Variants in SLC25A48 observed in about 807,000 individuals in gnomAD.
SLC25A48 encodes CTC-321K16.1.
In SLC25A48, 29 loss-of-function variants were observed where a neutral mutation model predicts 32.2. That is an observed-to-expected ratio of 0.90 (90% CI 0.67 to 1.23). The LOEUF (loss-of-function observed/expected upper bound fraction) is 1.23, where lower values mean the gene tolerates loss of function less well. Among genes scored for constraint, SLC25A48 ranks in the 50% most tolerant of loss-of-function variants. The pLI, the probability that SLC25A48 is intolerant of heterozygous loss-of-function variation, is 0.00. For missense variants in SLC25A48, 399 were observed against 422.7 expected, an observed-to-expected ratio of 0.94 and a Z score of 0.49; for synonymous variants, 164 against 172.3, an observed-to-expected ratio of 0.95 and a Z score of 0.38.
chr5:135,650,559 T>C (rs1753085623), intron 3 of SLC25A48: 2 of 240,618 alleles, frequency 8.3e-6, no homozygotes, highest in African/African-American at 8.0e-5. Flanking sequence ...GGAGTGGAAC[T>C]AAAAAAAAAA....
chr5:135,717,832 T>C (rs1754843322), intron 3 of SLC25A48, among the ~76,000 whole-genome samples: 1 of 152,190 alleles, frequency 6.6e-6, no homozygotes, highest in Admixed American at 6.5e-5. Flanking sequence ...TTCTGTTCTT[T>C]GAATATTGTC....
intron 3 of SLC25A48, among the ~76,000 whole-genome samples, chr5:135,778,944 A>G (rs7735713): frequency 0.043 from 6,376 of 148,824 alleles, 275 homozygotes; most frequent in African/African-American, 0.11. Context: ...TATATGTTTT[A>G]GTTCTCAAGG....
intron 3 of SLC25A48, among the ~76,000 whole-genome samples, chr5:135,804,538 T>C (rs1323355992): frequency 6.6e-6 from 1 of 151,586 alleles, no homozygotes; most frequent in Non-Finnish European, 1.5e-5. Context: ...GTGATATTAT[T>C]TGTTATATCC....
chr5:135,587,545 T>C (rs914450910), intron 1 of SLC25A48, among the ~76,000 whole-genome samples: 1 of 152,196 alleles, frequency 6.6e-6, no homozygotes, highest in African/African-American at 2.4e-5. Context: ...GAGAAGATTG[T>C]GACTAATTTG....
intron 7 of SLC25A48, among the ~76,000 whole-genome samples, chr5:135,886,773 C>T (rs1414159484): frequency 6.7e-6 from 1 of 149,670 alleles, no homozygotes; most frequent in African/African-American, 2.5e-5. Context: ...GGCAGGGACC[C>T]TGCCCTCAGG....
At chr5:135,620,103 C>T (rs1394994907) in intron 1 of SLC25A48, among the ~76,000 whole-genome samples, 1 of 152,136 alleles carries the variant, frequency 6.6e-6, no homozygotes, top group African/African-American at 2.4e-5. Context: ...CCTTCTGGGA[C>T]CCCAGCAGTC....
intron 2 of SLC25A48, among the ~76,000 whole-genome samples, chr5:135,846,467 G>A (rs1759428664): frequency 1.3e-5 from 2 of 152,188 alleles, no homozygotes; most frequent in Non-Finnish European, 1.5e-5. Flanking sequence ...AGGACAGCCA[G>A]GGCATGGCTT....
At chr5:135,766,008 ATAT>A (rs113957979) in intron 3 of SLC25A48, among the ~76,000 whole-genome samples, 61,080 of 151,192 alleles carry the variant, frequency 0.4, 14,175 homozygotes, top group Non-Finnish European at 0.52. Context: ...GGAGAGGGTG[ATAT>A]TACTCTCCAT....
intron 3 of SLC25A48, among the ~76,000 whole-genome samples, chr5:135,731,870 A>G (rs949175931): frequency 1.3e-5 from 2 of 152,234 alleles, no homozygotes; most frequent in African/African-American, 4.8e-5. Flanking sequence ...GATGGCCTGG[A>G]GAAACAGTGT....
chr5:135,862,737 G>A (rs1292354063), intron 4 of SLC25A48, among the ~76,000 whole-genome samples: 3 of 152,144 alleles, frequency 2.0e-5, no homozygotes, highest in Non-Finnish European at 4.4e-5. Flanking sequence ...TAATACTGTG[G>A]GAACAACATA....
At chr5:135,702,823 G>A (rs1754423230) in intron 3 of SLC25A48, among the ~76,000 whole-genome samples, 2 of 152,234 alleles carry the variant, frequency 1.3e-5, no homozygotes, top group Admixed American at 1.3e-4. Flanking sequence ...GTGTTAGCGT[G>A]GCGTGGAGCT....
At chr5:135,846,777 T>C (rs1261573661) in intron 2 of SLC25A48, among the ~76,000 whole-genome samples, 2 of 152,026 alleles carry the variant, frequency 1.3e-5, no homozygotes, top group Non-Finnish European at 2.9e-5. Context: ...AAAGAAAGTG[T>C]CAGAGACCTG....
At chr5:135,868,216 A>G (rs1165845250) in intron 4 of SLC25A48, among the ~76,000 whole-genome samples, 1 of 152,214 alleles carries the variant, frequency 6.6e-6, no homozygotes, top group Non-Finnish European at 1.5e-5. Flanking sequence ...TGAGAATGAG[A>G]CTTAAGAATG....
chr5:135,599,939 A>T (rs565478861), intron 1 of SLC25A48, among the ~76,000 whole-genome samples: 55 of 152,132 alleles, frequency 3.6e-4, no homozygotes, highest in African/African-American at 1.3e-3. Context: ...TGGGAAGAGG[A>T]GTCTATTCCT....
chr5:135,594,455 C>T (rs1751600258), intron 1 of SLC25A48, among the ~76,000 whole-genome samples: 2 of 152,336 alleles, frequency 1.3e-5, no homozygotes, highest in Middle Eastern at 3.4e-3. Flanking sequence ...TGCTGTCTCA[C>T]TCTCTAGCTG....
intron 4 of SLC25A48, among the ~76,000 whole-genome samples, chr5:135,860,746 C>A (rs1325400196): frequency 1.3e-5 from 2 of 152,292 alleles, no homozygotes; most frequent in East Asian, 3.9e-4. Flanking sequence ...CATTTCTAGG[C>A]AGCCTTGGGC....
chr5:135,843,485 T>C (rs1759168461), intron 2 of SLC25A48, among the ~76,000 whole-genome samples: 1 of 152,090 alleles, frequency 6.6e-6, no homozygotes, highest in Admixed American at 6.5e-5. Flanking sequence ...AGGACACTGA[T>C]GGACAATAAT....
At chr5:135,588,086 C>T (rs993666765) in intron 1 of SLC25A48, among the ~76,000 whole-genome samples, 1 of 152,186 alleles carries the variant, frequency 6.6e-6, no homozygotes, top group Non-Finnish European at 1.5e-5. Flanking sequence ...CTCCTGGTGT[C>T]GTGGCTGACG....
At chr5:135,653,113 G>T (rs1307355755) in intron 3 of SLC25A48, among the ~76,000 whole-genome samples, 3 of 152,198 alleles carry the variant, frequency 2.0e-5, no homozygotes, top group Non-Finnish European at 4.4e-5. Context: ...CACACAAGAT[G>T]CTGGCACCCT....
Sources: allele counts gnomAD v4.1 joint callset (sites outside exome capture counted in the v4.1 genomes callset), GRCh38; gene constraint gnomAD v4.1.1; transcripts MANE v1.5; gene names NCBI Gene and HGNC (gene_info 2026-07-23, HGNC 2026-07-21).